Variants in ACYP2 observed in about 807,000 individuals in gnomAD.
ACYP2 encodes the protein acylphosphatase-2.
Under a neutral mutation model 11.2 loss-of-function variants are expected in ACYP2, and 12 were observed. The observed-to-expected ratio is 1.08, with a 90% CI of 0.69 to 1.74. The LOEUF is 1.74. Among genes scored for constraint, ACYP2 ranks in the 40% most tolerant of loss-of-function variants. The pLI, the probability that ACYP2 is intolerant of heterozygous loss-of-function variation, is 0.00. For missense variants in ACYP2, 134 were observed against 101.9 expected (o/e 1.31, Z -1.35); for synonymous variants, 43 against 32.2 (o/e 1.33, Z -1.13).
intron 2 of ACYP2, among the ~76,000 whole-genome samples, chr2:53,987,253 T>C (rs1395528161): frequency 6.6e-6 from 1 of 151,998 alleles, no homozygotes; most frequent in Non-Finnish European, 1.5e-5. Context: ...ATCTGGGAGA[T>C]GGTTACATGA....
At position 53,993,349 on chromosome 2, in the gene ACYP2, G is replaced by A. The variant is rs549564142; in HGVS notation, c.62+19539G>A. Among the ~76,000 whole-genome samples, 78 of 152,072 alleles carry A rather than the reference G, an allele frequency of 5.1e-4. 1 individual carries two copies. Among genetic ancestry groups the A allele is most frequent in the Non-Finnish European group, 9.3e-4 (63 of 67,984 alleles). On this transcript the variant is annotated intron_variant, in intron 2 of 6. Coordinates refer to ENST00000607452, the MANE Select transcript of ACYP2 (RefSeq NM_001320586.2). ...GGGCAGGAGTGAAATGAAGGAAGGA[G>A]GGACACTCCCACTGTTGAAACTGGA...
chr2:54,182,760 A>G (rs1254335577), intron 6 of ACYP2, among the ~76,000 whole-genome samples: 1 of 152,146 alleles, frequency 6.6e-6, no homozygotes, highest in African/African-American at 2.4e-5. Context: ...AATTTAGAAC[A>G]GTTTGTTTAA....
intron 6 of ACYP2, among the ~76,000 whole-genome samples, chr2:54,172,204 C>A (rs751741875): frequency 9.9e-5 from 15 of 151,922 alleles, no homozygotes; most frequent in Non-Finnish European, 2.1e-4. Flanking sequence ...GGTAACAGAG[C>A]GAGACCCTGT....
At chr2:54,217,178 A>G (rs1441377018) in intron 6 of ACYP2, among the ~76,000 whole-genome samples, 1 of 152,148 alleles carries the variant, frequency 6.6e-6, no homozygotes, top group Admixed American at 6.5e-5. Flanking sequence ...TCCTTTCCTT[A>G]TTCCCAACTT....
Position 54,116,951 on chromosome 2 carries a change from A to G in ACYP2, c.278-18502A>G, listed in dbSNP as rs142341666. 1.2e-3 allele frequency among the ~76,000 whole-genome samples: 179 copies of G among 152,320 alleles called. 1 individual carries two copies. Among genetic ancestry groups the G allele is most frequent in the African/African-American group, 4.2e-3 (173 of 41,584 alleles). On this transcript the variant is annotated intron_variant, in intron 4 of 6. Coordinates refer to ENST00000607452, the MANE Select transcript of ACYP2 (RefSeq NM_001320586.2). The stretch of plus-strand genomic sequence containing the variant: ...CAGAACAGGTGACTCAGGATGATTC[A>G]GGTCAGAGCAGGTGACCAGGGGTGA...
At chr2:54,064,013 TC>T (rs779343565) in intron 4 of ACYP2, among the ~76,000 whole-genome samples, 83 of 152,190 alleles carry the variant, frequency 5.5e-4, no homozygotes, top group Non-Finnish European at 7.5e-4. Context: ...TCTTTTCTTT[TC>T]CTCTCTTTTT....
intron 4 of ACYP2, among the ~76,000 whole-genome samples, chr2:54,078,235 C>T (rs1677449810): frequency 6.6e-6 from 1 of 151,994 alleles, no homozygotes; most frequent in Admixed American, 6.6e-5. Flanking sequence ...GGGTGAGCCA[C>T]TGTGCCTGGC....
intron 6 of ACYP2, among the ~76,000 whole-genome samples, chr2:54,139,732 A>ATTG (rs1209256205): frequency 6.6e-6 from 1 of 152,170 alleles, no homozygotes; most frequent in Non-Finnish European, 1.5e-5. Context: ...GGTTTTGCTT[A>ATTG]TTGTAATAAG....
At chr2:54,036,006 G>T (rs1674878227) in intron 2 of ACYP2, among the ~76,000 whole-genome samples, 1 of 152,168 alleles carries the variant, frequency 6.6e-6, no homozygotes, top group Non-Finnish European at 1.5e-5. Context: ...GATTGGCCTA[G>T]GTAAACATAT....
At chr2:54,014,451 C>G (rs1673567695) in intron 2 of ACYP2, among the ~76,000 whole-genome samples, 1 of 152,034 alleles carries the variant, frequency 6.6e-6, no homozygotes, top group Non-Finnish European at 1.5e-5. Context: ...TCCCGAGTAG[C>G]TGAGATTACA....
At chr2:54,267,248 CATT>C (rs1384533172) in intron 6 of ACYP2, 2 of 1,535,882 alleles carry the variant, frequency 1.3e-6, no homozygotes, top group Admixed American at 4.1e-5. Flanking sequence ...CCAATAAAAA[CATT>C]ATTATGTCTG....
intron 4 of ACYP2, among the ~76,000 whole-genome samples, chr2:54,096,904 C>T (rs1470990601): frequency 6.6e-6 from 1 of 152,102 alleles, no homozygotes; most frequent in Non-Finnish European, 1.5e-5. Flanking sequence ...GAGACGGGGT[C>T]TTGCTATGTT....
intron 4 of ACYP2, among the ~76,000 whole-genome samples, chr2:54,131,491 G>A (rs1165087607): frequency 6.6e-6 from 1 of 152,204 alleles, no homozygotes; most frequent in Non-Finnish European, 1.5e-5. Flanking sequence ...GATGGAGGGA[G>A]AAATCTACGT....
chr2:54,015,645 T>TCA (rs4027206), intron 2 of ACYP2, among the ~76,000 whole-genome samples: 13,881 of 129,980 alleles, frequency 0.11, 681 homozygotes, highest in African/African-American at 0.13. Context: ...TGAGACCCCG[T>TCA]CACACACACA....
intron 4 of ACYP2, among the ~76,000 whole-genome samples, chr2:54,122,936 C>G (rs1184933175): frequency 6.6e-6 from 1 of 152,158 alleles, no homozygotes; most frequent in Admixed American, 6.5e-5. Flanking sequence ...TGTCTATCTG[C>G]AGGTAAGTGG....
intron 6 of ACYP2, among the ~76,000 whole-genome samples, chr2:54,299,356 G>A (rs1294191683): frequency 1.3e-5 from 2 of 152,120 alleles, no homozygotes; most frequent in Non-Finnish European, 2.9e-5. Context: ...CACTTTGGGA[G>A]GCCGAGGCGG....
intron 6 of ACYP2, among the ~76,000 whole-genome samples, chr2:54,263,288 C>T (rs1327481667): frequency 6.6e-6 from 1 of 152,142 alleles, no homozygotes. Context: ...CTTGTGAGAA[C>T]TCACTCACTG....
chr2:54,156,806 A>T (rs1259990340), intron 6 of ACYP2, among the ~76,000 whole-genome samples: 1 of 151,986 alleles, frequency 6.6e-6, no homozygotes, highest in Non-Finnish European at 1.5e-5. Flanking sequence ...AGTTGGGATT[A>T]CAGGCACCTG....
intron 3 of ACYP2, among the ~76,000 whole-genome samples, chr2:54,052,329 A>T (rs1675913179): frequency 6.6e-6 from 1 of 152,158 alleles, no homozygotes; most frequent in Admixed American, 6.5e-5. Context: ...ATGTCTTTAG[A>T]TAACCCTGTC....
Sources: gnomAD v4.1 joint callset for allele counts (sites outside exome capture counted in the v4.1 genomes callset) on GRCh38, gnomAD v4.1.1 for gene constraint, MANE v1.5 for transcripts, NCBI Gene and HGNC (gene_info 2026-07-23, HGNC 2026-07-21) for gene names.